Variants in STAM2 observed in about 807,000 individuals in gnomAD.
STAM2 encodes the protein signal transducing adaptor molecule 2.
STAM2 carries 51 observed loss-of-function variants against 65.6 expected under a neutral mutation model. That is an observed-to-expected ratio of 0.78 (90% CI 0.62 to 0.98). The LOEUF (loss-of-function observed/expected upper bound fraction) is 0.98. Ranked by LOEUF, STAM2 falls within the 50% of genes least tolerant of loss-of-function variation. The pLI is 0.00. For missense variants in STAM2, 584 were observed against 617.8 expected (o/e 0.95, Z 0.58); for synonymous variants, 198 against 208.4 (o/e 0.95, Z 0.43).
rs1042950540 is a variant in STAM2 at position 152,152,606 on chromosome 2, T to G, written c.41-2377A>C. Among the ~76,000 whole-genome samples, 6 of 152,142 alleles carry G rather than the reference T, an allele frequency of 3.9e-5. No homozygotes were observed. In the South Asian group the frequency reaches 1.2e-3, roughly 32 times the overall value. ...TAATATAAATAATGCACTGATGCGA[T>G]GAACATTCATATACAAGTCTCTGTG... is the stretch of plus-strand genomic sequence containing the variant. On this transcript the variant is annotated intron_variant, in intron 1 of 13. Coordinates refer to ENST00000263904, the MANE Select transcript of STAM2 (RefSeq NM_005843.6).
At chr2:152,175,409 A>T (rs776348920) in intron 1 of STAM2, among the ~76,000 whole-genome samples, 194 bp downstream of exon 1, 7 of 152,042 alleles carry the variant, frequency 4.6e-5, no homozygotes, top group Non-Finnish European at 8.8e-5. Context: ...GGCAGGAAGC[A>T]CTCCCCAGAC....
chr2:152,168,304 G>A (rs1475199840), intron 1 of STAM2, among the ~76,000 whole-genome samples: 2 of 152,066 alleles, frequency 1.3e-5, no homozygotes, highest in Admixed American at 6.5e-5. Context: ...GGGACTACAG[G>A]CATGCACCAC....
At position 152,119,735 on chromosome 2, in the gene STAM2, T is replaced by A. The variant is rs916116153; in HGVS notation, c.*839A>T. 6 of 152,210 alleles carry A rather than the reference T, an allele frequency of 3.9e-5. No homozygotes were observed. The East Asian group carries it at 5.8e-4, about 15-fold the overall frequency. The allele number at this position is 152,210 out of a possible 1,614,324, so 9.4% of individuals were successfully genotyped here. ...GACAATTCTAAATACCAGAGATACA[T>A]GTAGGAAAGAAAATGTTTTTCCTCA... On this transcript the variant is annotated 3_prime_UTR_variant, in exon 14 of 14. Transcript: ENST00000263904.
intron 1 of STAM2, among the ~76,000 whole-genome samples, chr2:152,168,155 C>T (rs1045926928): frequency 1.4e-5 from 2 of 146,450 alleles, no homozygotes; most frequent in Non-Finnish European, 3.0e-5. Context: ...TACTTATATA[C>T]AAGGCCTATT....
rs2105524200 is a variant in STAM2 at position 152,120,128 on chromosome 2, GTTTC to G, written c.*442_*445del. On this transcript the variant is annotated 3_prime_UTR_variant, in exon 14 of 14. Coordinates refer to ENST00000263904, the MANE Select transcript of STAM2 (RefSeq NM_005843.6). ...TATGACATTTTAGGGGGAAACAGTG[GTTTC>G]TTTAAAATAATATTTTAATCCTCCT... 1 of 154,058 alleles carries G rather than the reference GTTTC, an allele frequency of 6.5e-6. No individual in the cohort carries two copies. Among genetic ancestry groups the G allele is most frequent in the Non-Finnish European group, 1.4e-5 (1 of 69,066 alleles). The allele number at this position is 154,058 out of a possible 1,614,324, so 9.5% of individuals were successfully genotyped here.
chr2:152,135,480 G>A (rs1689136864), intron 8 of STAM2, 29 bp downstream of exon 8: 2 of 1,469,582 alleles, frequency 1.4e-6, no homozygotes, highest in Non-Finnish European at 1.9e-6. Context: ...AACTTAAATA[G>A]ATCTAATGTC....
chr2:152,147,128 T>C (rs1361449122), intron 5 of STAM2, 34 bp downstream of exon 5: 12 of 1,561,670 alleles, frequency 7.7e-6, no homozygotes, highest in African/African-American at 5.5e-5. Context: ...CAAAATATTA[T>C]AGGGTCAACC....
At chr2:152,132,460 CTA>C (rs1156864972) in intron 10 of STAM2, among the ~76,000 whole-genome samples, 2 of 152,114 alleles carry the variant, frequency 1.3e-5, no homozygotes, top group Non-Finnish European at 1.5e-5. Flanking sequence ...ATCTAGAAAA[CTA>C]TGATTAGTTA....
At chr2:152,164,853 C>T (rs1037498852) in intron 1 of STAM2, among the ~76,000 whole-genome samples, 2 of 152,130 alleles carry the variant, frequency 1.3e-5, no homozygotes, top group Non-Finnish European at 2.9e-5. Context: ...CTTTTACTGT[C>T]CTTTAATATT....
chr2:152,154,597 A>G (rs937088430), intron 1 of STAM2, among the ~76,000 whole-genome samples: 1 of 151,742 alleles, frequency 6.6e-6, no homozygotes, highest in Non-Finnish European at 1.5e-5. Flanking sequence ...CAACGTGGAC[A>G]ACAGAGTGAG....
chr2:152,130,721 G>C (rs1221680766), intron 11 of STAM2, among the ~76,000 whole-genome samples: 2 of 151,732 alleles, frequency 1.3e-5, no homozygotes, highest in East Asian at 3.9e-4. Context: ...GCATAAGGCT[G>C]GGTGCAGTGG....
chr2:152,145,327 C>T lies in STAM2; in HGVS notation c.448-370G>A, dbSNP rs370642034. On this transcript the variant is annotated intron_variant, in intron 5 of 13. Coordinates refer to ENST00000263904, the MANE Select transcript of STAM2 (RefSeq NM_005843.6). ...CAAGTGATTCTCCTGTCTCAGCCTACCAAAGTGCTAAGATTACAGGCATGA... is the reference window on the plus strand; with the variant it reads ...CAAGTGATTCTCCTGTCTCAGCCTATCAAAGTGCTAAGATTACAGGCATGA... Among the ~76,000 whole-genome samples the T allele has an allele frequency of 3.0e-4, 45 of 152,280 alleles. No homozygotes were observed. The East Asian group carries it at 5.0e-3, about 17-fold the overall frequency.
At chr2:152,162,729 C>T (rs907471739) in intron 1 of STAM2, among the ~76,000 whole-genome samples, 6 of 152,302 alleles carry the variant, frequency 3.9e-5, no homozygotes, top group African/African-American at 1.4e-4. Context: ...GCAACCTACG[C>T]CTCCCTGGTT....
intron 1 of STAM2, among the ~76,000 whole-genome samples, chr2:152,152,873 T>A (rs1266511833): frequency 6.6e-6 from 1 of 152,228 alleles, no homozygotes; most frequent in East Asian, 1.9e-4. Flanking sequence ...AGGAGAATGA[T>A]AAACATCAAA....
intron 7 of STAM2, 146 bp from the exon 8 acceptor site, chr2:152,135,749 C>T (rs555216971): frequency 1.9e-5 from 11 of 594,270 alleles, no homozygotes; most frequent in East Asian, 3.0e-5. Context: ...ATTTAATAAA[C>T]GATATTAAAA....
intron 12 of STAM2, 100 bp downstream of exon 12, chr2:152,126,126 T>A: frequency 3.0e-6 from 3 of 1,003,394 alleles, no homozygotes; most frequent in South Asian, 6.3e-5. Flanking sequence ...ATAATTTTAT[T>A]CACAGACAAA....
At chr2:152,152,681 C>A (rs922544288) in intron 1 of STAM2, among the ~76,000 whole-genome samples, 4 of 152,094 alleles carry the variant, frequency 2.6e-5, no homozygotes, top group African/African-American at 9.7e-5. Context: ...GAGTAGAAAT[C>A]CTGTGTCATA....
chr2:152,148,324 G>A (rs752774770), intron 2 of STAM2, 24 bp from the exon 3 acceptor site: 3 of 1,512,922 alleles, frequency 2.0e-6, no homozygotes, highest in Non-Finnish European at 2.7e-6. Context: ...GAGAGAGAGA[G>A]ACAGTTAAGT....
chr2:152,163,507 G>A (rs966977780), intron 1 of STAM2, among the ~76,000 whole-genome samples: 4 of 152,056 alleles, frequency 2.6e-5, no homozygotes, highest in Non-Finnish European at 4.4e-5. Context: ...TGTAAAACAC[G>A]TGTGTTTGAA....
Sources: allele counts gnomAD v4.1 joint callset (sites outside exome capture counted in the v4.1 genomes callset), GRCh38; gene constraint gnomAD v4.1.1; transcripts MANE v1.5; gene names NCBI Gene and HGNC (gene_info 2026-07-23, HGNC 2026-07-21).